The following CCNY variants were observed in gnomAD, a reference collection of about 807,000 sequenced individuals.
The protein encoded by CCNY is cyclin-Y.
CCNY carries 19 observed loss-of-function variants against 42.8 expected under a neutral mutation model. The observed-to-expected ratio is 0.44, with a 90% CI of 0.31 to 0.65. CCNY has a LOEUF of 0.65. Among genes scored for constraint, CCNY ranks in the 30% least tolerant of loss-of-function variants. The pLI, the probability that CCNY is intolerant of heterozygous loss-of-function variation, is 0.07. For synonymous variants in CCNY, 165 were observed against 162.7 expected (o/e 1.01, Z -0.11); for missense variants, 370 against 437.3 (o/e 0.85, Z 1.37).
chr10:35,459,446 T>A (rs1839109385), intron 1 of CCNY, among the ~76,000 whole-genome samples: 1 of 152,244 alleles, frequency 6.6e-6, no homozygotes, highest in South Asian at 2.1e-4. Flanking sequence ...TACTGTATTT[T>A]ATGTGTGGCC....
chr10:35,273,396 G>GGCTCTACCA lies in CCNY; in HGVS notation c.-9+22771_-9+22772insCTCTACCAG, dbSNP rs537660293. ...TTTTTTGTATTTTTAGTAGAGATGGGGTTTCATCATGCTGGCCAGGCTGGT... is the reference window on the plus strand; with the variant it reads ...TTTTTTGTATTTTTAGTAGAGATGGGGCTCTACCAGTTTCATCATGCTGGCCAGGCTGGT... On this transcript the variant is annotated intron_variant, in intron 3 of 11. Transcript: ENST00000374706. Among the ~76,000 whole-genome samples, 82 of 151,952 alleles carry GGCTCTACCA rather than the reference G, an allele frequency of 5.4e-4. No individual in the cohort carries two copies. In the East Asian group the frequency reaches 0.014, roughly 25 times the overall value.
At chr10:35,565,723 T>C (rs1246763328) in intron 8 of CCNY, among the ~76,000 whole-genome samples, 1 of 152,220 alleles carries the variant, frequency 6.6e-6, no homozygotes, top group Non-Finnish European at 1.5e-5. Context: ...TAGCAGCCTG[T>C]CCTCACGGAG....
rs565017670 is a variant in CCNY, at chr10:35,502,140, C to T, written c.264+605C>T. 3.3e-5 allele frequency among the ~76,000 whole-genome samples: 5 copies of T among 152,292 alleles called. No individual in the cohort carries two copies. The South Asian group carries it at 1.0e-3, about 32-fold the overall frequency. On this transcript the variant is annotated intron_variant, in intron 3 of 9. Transcript: ENST00000374704. ...AGGTGCCCCATTGAGATACTTCATC[C>T]CTCTTCCTTCCTTGAGCAGAGATGT...
chr10:35,337,084 T>A lies in CCNY; in HGVS notation c.31T>A (p.Ser11Thr), dbSNP rs1243700637. 1.3e-6 allele frequency: 2 copies of A among 1,593,358 alleles called. No individual in the cohort carries two copies. Among genetic ancestry groups the A allele is most frequent in the South Asian group, 1.1e-5 (1 of 87,888 alleles). ...GAACACTACCTCGTGCTGCGTGTCG[T>A]CCAGTCCCAAGCTCCGGAGGAATGC... MGNTTSCCVS[S>T]SPKLRRNAHS... The change falls in exon 1 of 10, where the codon TCC becomes ACC. Residue 11 changes from serine (S) to threonine (T), a missense_variant. This residue lies in a region of CCNY where 136 missense variants were observed against 124.2 expected (regional missense o/e 1.09). Coordinates refer to ENST00000374704, the MANE Select transcript of CCNY (RefSeq NM_145012.6).
In CCNY at chr10:35,264,723, C is replaced by T. The variant is rs528432894; in HGVS notation, c.-9+14097C>T. The stretch of plus-strand genomic sequence containing the variant: ...ATGCTGGAGTGCAGTGGCGTGATCT[C>T]GGGTCACTGCAACCTCAGCCTCCCA... On this transcript the variant is annotated intron_variant, in intron 3 of 11. Coordinates refer to the CCNY transcript ENST00000374706. Among the ~76,000 whole-genome samples the T allele has an allele frequency of 3.4e-4, 52 of 152,132 alleles. 1 individual carries two copies. The South Asian group carries it at 7.1e-3, about 21-fold the overall frequency.
At chr10:35,332,161 C>G (rs1221422199), upstream of CCNY, among the ~76,000 whole-genome samples, 2 of 152,202 alleles carry the variant, frequency 1.3e-5, no homozygotes, top group Non-Finnish European at 1.5e-5. Flanking sequence ...ATCAGTAGCA[C>G]AACACACAGA....
chr10:35,551,333 T>C (rs1762815954), intron 7 of CCNY, among the ~76,000 whole-genome samples: 1 of 152,220 alleles, frequency 6.6e-6, no homozygotes, highest in South Asian at 2.1e-4. Context: ...CCCATTCCAT[T>C]TGGGAGTGTT....
At chr10:35,414,558 G>A (rs1009267295) in intron 1 of CCNY, among the ~76,000 whole-genome samples, 10 of 152,202 alleles carry the variant, frequency 6.6e-5, no homozygotes, top group African/African-American at 2.4e-4. Flanking sequence ...GGCCCCTCTC[G>A]CACTTAGGAA....
intron 1 of CCNY, among the ~76,000 whole-genome samples, chr10:35,445,820 T>G (rs1333367995): frequency 1.3e-5 from 2 of 152,236 alleles, no homozygotes; most frequent in African/African-American, 2.4e-5. Flanking sequence ...AAACTTAAAG[T>G]TGGAGTAGAC....
chr10:35,311,162 A>G (rs2135085483), intron 3 of CCNY, among the ~76,000 whole-genome samples: 1 of 152,096 alleles, frequency 6.6e-6, no homozygotes, highest in Admixed American at 6.6e-5. Context: ...AAGCAAAATA[A>G]TTAAAGTTAG....
intron 1 of CCNY, among the ~76,000 whole-genome samples, chr10:35,400,893 AG>A (rs1837628803): frequency 1.3e-5 from 2 of 152,338 alleles, no homozygotes; most frequent in South Asian, 4.1e-4. Context: ...TTTTAATAGT[AG>A]GCACACCATG....
At chr10:35,558,088 A>G (rs1166893105) in intron 8 of CCNY, among the ~76,000 whole-genome samples, 2 of 152,206 alleles carry the variant, frequency 1.3e-5, no homozygotes, top group African/African-American at 4.8e-5. Context: ...GAGCCTACCA[A>G]CCCCTGCTTC....
chr10:35,474,158 C>G (rs1167683982), intron 1 of CCNY, among the ~76,000 whole-genome samples: 1 of 152,188 alleles, frequency 6.6e-6, no homozygotes, highest in Non-Finnish European at 1.5e-5. Context: ...CCCACGGAGT[C>G]TCGCTGACTG....
intron 1 of CCNY, among the ~76,000 whole-genome samples, chr10:35,374,148 T>C (rs2135180294): frequency 6.6e-6 from 1 of 152,352 alleles, no homozygotes; most frequent in South Asian, 2.1e-4. Flanking sequence ...GAATGATTTA[T>C]ATTTTTGGCC....
intron 1 of CCNY, among the ~76,000 whole-genome samples, chr10:35,406,241 A>ATTT (rs1554785130): frequency 1.0e-5 from 1 of 96,616 alleles, no homozygotes. Flanking sequence ...TTATTTATTT[A>ATTT]TTTTTTTATT....
At chr10:35,515,928 G>A (rs112353496) in intron 3 of CCNY, among the ~76,000 whole-genome samples, 1 of 152,172 alleles carries the variant, frequency 6.6e-6, no homozygotes, top group Non-Finnish European at 1.5e-5. Context: ...GTCATTCATT[G>A]GTTGTATTTT....
At chr10:35,304,059 T>A (rs1315976863) in intron 3 of CCNY, among the ~76,000 whole-genome samples, 1 of 152,018 alleles carries the variant, frequency 6.6e-6, no homozygotes, top group African/African-American at 2.4e-5. Context: ...CATGCTCCAG[T>A]TTCTCCGTCT....
At chr10:35,278,744 T>C (rs1835266348) in intron 3 of CCNY, among the ~76,000 whole-genome samples, 1 of 152,126 alleles carries the variant, frequency 6.6e-6, no homozygotes, top group South Asian at 2.1e-4. Context: ...GGGAATACCC[T>C]TGGGCAAGGC....
chr10:35,377,752 G>A (rs1394247617), intron 1 of CCNY, among the ~76,000 whole-genome samples: 1 of 152,088 alleles, frequency 6.6e-6, no homozygotes, highest in Admixed American at 6.5e-5. Context: ...ACATTATAAT[G>A]TAACCATTAT....
Sources: gnomAD v4.1 joint callset for allele counts (sites outside exome capture counted in the v4.1 genomes callset) on GRCh38, gnomAD v4.1.1 for gene constraint, gnomAD v4.1.1 regional missense constraint, MANE v1.5 for transcripts, NCBI Gene and HGNC (gene_info 2026-07-23, HGNC 2026-07-21) for gene names.